The following ZNF654 variants were observed in gnomAD, a reference collection of about 807,000 sequenced individuals.
ZNF654 encodes zinc finger protein 654.
ZNF654 carries 19 observed loss-of-function variants against 95.3 expected under a neutral mutation model. That is an observed-to-expected ratio of 0.20 (90% CI 0.14 to 0.29). The LOEUF (loss-of-function observed/expected upper bound fraction) is 0.29. Among genes scored for constraint, ZNF654 ranks in the 10% least tolerant of loss-of-function variants. The probability of loss-of-function intolerance (pLI) is 1.00; values close to 1 mark genes in which losing one functional copy is unlikely to be tolerated. For missense variants in ZNF654, 1,046 were observed against 1,341.0 expected (o/e 0.78, Z 3.44); for synonymous variants, 413 against 457.9 (o/e 0.90, Z 1.25).
intron 3 of ZNF654, among the ~76,000 whole-genome samples, chr3:88,120,788 C>G (rs1028411372): frequency 4.8e-5 from 6 of 125,294 alleles, no homozygotes; most frequent in Non-Finnish European, 1.0e-4. Flanking sequence ...GTTTTAAATT[C>G]AACAGTATAA....
At chr3:88,063,919 CTG>C (rs1027879390) in intron 1 of ZNF654, among the ~76,000 whole-genome samples, 6 of 152,120 alleles carry the variant, frequency 3.9e-5, no homozygotes, top group Non-Finnish European at 8.8e-5. Context: ...CTGGTTGTCT[CTG>C]TGGTGTAAAC....
At position 88,059,269 on chromosome 3, in the gene ZNF654, C is replaced by T; in HGVS notation, c.-51C>T. 2.0e-6 allele frequency: 3 copies of T among 1,525,792 alleles called. No individual in the cohort carries two copies. Among genetic ancestry groups the T allele is most frequent in the Non-Finnish European group, 2.6e-6 (3 of 1,142,816 alleles). 94.5% of individuals were successfully genotyped at this position (1,525,792 alleles called of 1,614,324 possible). A position where few individuals can be genotyped will look rare whatever the true frequency, so the allele number is the denominator to read the frequency against. On this transcript the variant is annotated 5_prime_UTR_variant, in exon 1 of 9. The change creates a new upstream start codon in the 5' untranslated region. Coordinates refer to ENST00000636215, the MANE Select transcript of ZNF654 (RefSeq NM_001350134.2). ...AGGAGGAGGTTAGCCTAGGCATCTA[C>T]GGCGGCGGCGGCGGCGCAGGGGCTG...
chr3:88,074,834 A>AC (rs1707712154), intron 1 of ZNF654, among the ~76,000 whole-genome samples: 1 of 152,172 alleles, frequency 6.6e-6, no homozygotes, highest in South Asian at 2.1e-4. Context: ...AAAACAGGAT[A>AC]CCAAGTGAAT....
At chr3:88,105,224 C>T (rs575614016) in intron 2 of ZNF654, among the ~76,000 whole-genome samples, 1 of 152,300 alleles carries the variant, frequency 6.6e-6, no homozygotes, top group South Asian at 2.1e-4. Flanking sequence ...CAAGGTCCAA[C>T]TAACAAATAA....
intron 2 of ZNF654, among the ~76,000 whole-genome samples, chr3:88,093,619 G>A (rs1446858453): frequency 6.6e-6 from 1 of 152,154 alleles, no homozygotes; most frequent in African/African-American, 2.4e-5. Context: ...ATTTTGAGTG[G>A]CTAGATATTC....
chr3:88,080,685 A>C (rs1473365361), intron 1 of ZNF654, among the ~76,000 whole-genome samples: 1 of 152,158 alleles, frequency 6.6e-6, no homozygotes, highest in Non-Finnish European at 1.5e-5. Context: ...ACCTACAGGC[A>C]AGGGCAAATC....
chr3:88,084,244 C>G (rs1268238835), intron 1 of ZNF654, among the ~76,000 whole-genome samples: 4 of 152,140 alleles, frequency 2.6e-5, no homozygotes, highest in African/African-American at 9.7e-5. Flanking sequence ...TAGAAAGCTT[C>G]TCTTCTAAGG....
chr3:88,065,682 A>T (rs2107596085), intron 1 of ZNF654, among the ~76,000 whole-genome samples: 1 of 152,302 alleles, frequency 6.6e-6, no homozygotes, highest in African/African-American at 2.4e-5. Context: ...TAAAGTATAT[A>T]AAATAAATTT....
Position 88,139,604 on chromosome 3 carries a change from T to C in ZNF654, c.1935T>C (p.Ala645=). ...ATTTGGAAGTGGAGACACTTACTGC[T>C]TCTAGTGAAGGAAACAAAGAAGTCA... The part of the protein sequence containing the change: ...SKDLEVETLT[A]SSEGNKEVIP... Residue 645 remains alanine (A), a synonymous_variant, in exon 8 of 9, where the codon GCT becomes GCC. Coordinates refer to ENST00000636215, the MANE Select transcript of ZNF654 (RefSeq NM_001350134.2). 2 of 1,613,776 alleles carry C rather than the reference T, an allele frequency of 1.2e-6. No individual in the cohort carries two copies. Among genetic ancestry groups the C allele is most frequent in the Non-Finnish European group, 1.7e-6 (2 of 1,179,764 alleles).
chr3:88,106,312 G>A (rs1704734281), intron 2 of ZNF654, among the ~76,000 whole-genome samples: 1 of 152,010 alleles, frequency 6.6e-6, no homozygotes, highest in African/African-American at 2.4e-5. Context: ...TGTGCTGTAA[G>A]TTGAAAATGT....
chr3:88,129,897 T>TAAA, intron 6 of ZNF654, 71 bp downstream of exon 6: 1 of 1,272,722 alleles, frequency 7.9e-7, no homozygotes. Context: ...GTTTGAACTT[T>TAAA]GTTTTTTACA....
chr3:88,090,818 C>T (rs1576250376), intron 2 of ZNF654, among the ~76,000 whole-genome samples: 1 of 152,068 alleles, frequency 6.6e-6, no homozygotes, highest in Non-Finnish European at 1.5e-5. Flanking sequence ...ATTGTCTTGG[C>T]CCATACATAA....
chr3:88,139,044 A>C lies in ZNF654; in HGVS notation c.1375A>C (p.Lys459Gln). 2 of 1,242,016 alleles carry C rather than the reference A, an allele frequency of 1.6e-6. No homozygotes were observed. Among genetic ancestry groups the C allele is most frequent in the Non-Finnish European group, 2.0e-6 (2 of 994,344 alleles). The allele number at this position is 1,242,016 out of a possible 1,614,324, so 76.9% of individuals were successfully genotyped here. ...ATTTTGGAACTTCGTAATGATTAAG[A>C]AAAACTGTGTAGCATTATTGAGTGA... ...PEFWNFVMIK[K>Q]NCVALLSDKS... is the part of the protein sequence containing the mutation. The change falls in exon 8 of 9, where the codon AAA becomes CAA. Residue 459 changes from lysine to glutamine, a missense_variant. Physicochemically the swap from Lys to Gln is moderately conservative, Grantham distance 53. Around this residue, in one of 9 missense-constraint regions of ZNF654, gnomAD observed 78 missense variants for 154.2 expected, o/e 0.51. Coordinates refer to ENST00000636215, the MANE Select transcript of ZNF654 (RefSeq NM_001350134.2).
intron 1 of ZNF654, among the ~76,000 whole-genome samples, chr3:88,065,819 G>A (rs1176637273): frequency 1.3e-5 from 2 of 152,006 alleles, no homozygotes; most frequent in African/African-American, 4.8e-5. Flanking sequence ...CTCCCTGTCC[G>A]GGGCTAAAGC....
At chr3:88,064,485 G>T (rs1163831207) in intron 1 of ZNF654, among the ~76,000 whole-genome samples, 1 of 152,132 alleles carries the variant, frequency 6.6e-6, no homozygotes, top group African/African-American at 2.4e-5. Flanking sequence ...GGATCTGGGG[G>T]AGATTTTGAA....
chr3:88,073,274 GT>G (rs1437744913), intron 1 of ZNF654, among the ~76,000 whole-genome samples: 6 of 152,082 alleles, frequency 3.9e-5, no homozygotes, highest in Admixed American at 3.9e-4. Flanking sequence ...GCATGCTAAA[GT>G]TTGAGAGCCA....
At chr3:88,097,401 C>T (rs1463521012) in intron 2 of ZNF654, among the ~76,000 whole-genome samples, 1 of 151,860 alleles carries the variant, frequency 6.6e-6, no homozygotes, top group African/African-American at 2.4e-5. Context: ...TTAACACCCA[C>T]TGTCAATATT....
At position 88,140,580 on chromosome 3, in the gene ZNF654, T is replaced by TGTA; in HGVS notation, c.2920_2922dup (p.Ser974dup). The TGTA allele has an allele frequency of 6.2e-7, 1 of 1,613,690 alleles. No homozygotes were observed. The highest frequency in any genetic ancestry group is 8.5e-7 in the Non-Finnish European group (1 of 1,179,706). On this transcript the variant is annotated inframe_insertion, in exon 8 of 9. Transcript: ENST00000636215. ...CATAGAGCCAAATTCTGAAAATAAT[T>TGTA]GTAGTAGTAGTGATATAGTCAATGG...
At chr3:88,074,753 T>C (rs1359684807) in intron 1 of ZNF654, among the ~76,000 whole-genome samples, 3 of 152,202 alleles carry the variant, frequency 2.0e-5, no homozygotes, top group Non-Finnish European at 2.9e-5. Context: ...TCAACTATAC[T>C]ATGTACTAAA....
Sources: gnomAD v4.1 joint callset for allele counts (sites outside exome capture counted in the v4.1 genomes callset) on GRCh38, gnomAD v4.1.1 for gene constraint, gnomAD v4.1.1 regional missense constraint, MANE v1.5 for transcripts, NCBI Gene and HGNC (gene_info 2026-07-23, HGNC 2026-07-21) for gene names.